MYT1: variants seen among roughly 807,000 people sequenced by gnomAD.
The protein encoded by MYT1 is myelin transcription factor 1.
In MYT1, 23 loss-of-function variants were observed where a neutral mutation model predicts 123.0. The ratio of observed to expected loss-of-function variants is 0.19; its 90% CI spans 0.13 to 0.26. The LOEUF (loss-of-function observed/expected upper bound fraction) is 0.26, where lower values mean the gene tolerates loss of function less well. Ranked by LOEUF, MYT1 falls within the 10% of genes least tolerant of loss-of-function variation. The probability of loss-of-function intolerance (pLI) is 1.00; values close to 1 mark genes in which losing one functional copy is unlikely to be tolerated. For synonymous variants in MYT1, 518 were observed against 575.3 expected (o/e 0.90, Z 1.43); for missense variants, 1,125 against 1,472.5 (o/e 0.76, Z 3.86).
intron 10 of MYT1, among the ~76,000 whole-genome samples, chr20:64,215,548 A>T (rs137961626): frequency 6.6e-6 from 1 of 152,208 alleles, no homozygotes; most frequent in Non-Finnish European, 1.5e-5. Flanking sequence ...TTGGTCAAGG[A>T]AGCCATCAAC....
Position 64,167,376 on chromosome 20 carries a change from C to T in MYT1, c.-99+2637C>T, listed in dbSNP as rs371069412. ...GCTTGTGTCCACCCAGTCCCTCTGT[C>T]GGGGCTCAGGGTGGGGATGAGACCG... is the stretch of plus-strand genomic sequence containing the variant. On this transcript the variant is annotated intron_variant, in intron 1 of 22. Coordinates refer to ENST00000328439, the MANE Select transcript of MYT1 (RefSeq NM_004535.3). This position sits in a 1 kb window ranked among gnomAD's most constrained non-coding sequence, Gnocchi z 6.3. Among the ~76,000 whole-genome samples the T allele has an allele frequency of 3.2e-3, 493 of 152,258 alleles. 5 individuals carry two copies. The highest frequency in any genetic ancestry group is 0.011 in the African/African-American group (474 of 41,526).
At position 64,166,588 on chromosome 20, in the gene MYT1, T is replaced by C. The variant is rs1437313701; in HGVS notation, c.-99+1849T>C. Among the ~76,000 whole-genome samples the C allele has an allele frequency of 1.3e-5, 2 of 152,142 alleles. No homozygotes were observed. The highest frequency in any genetic ancestry group is 4.8e-5 in the African/African-American group (2 of 41,428). On this transcript the variant is annotated intron_variant, in intron 1 of 22. Transcript: ENST00000328439. This position sits in a 1 kb window ranked among gnomAD's most constrained non-coding sequence, Gnocchi z 4.9. ...GGGCTGCTTCTGTCCAAAGTGCCAC[T>C]CGAGGGTTTTTGTGACCCTCAGCCA...
rs999434971 is a variant in MYT1, at chr20:64,208,971, C to T, written c.1291+484C>T. 1.3e-4 allele frequency among the ~76,000 whole-genome samples: 20 copies of T among 152,220 alleles called. No individual in the cohort carries two copies. Among genetic ancestry groups the T allele is most frequent in the Non-Finnish European group, 1.9e-4 (13 of 68,032 alleles). Reference sequence around the variant, plus strand: ...TTGCTCCTCAGAGGGAGCAGCCTGCCGCTGGCTCTGCATCTGTCTCTGGAT... The same window carrying T: ...TTGCTCCTCAGAGGGAGCAGCCTGCTGCTGGCTCTGCATCTGTCTCTGGAT... On this transcript the variant is annotated intron_variant, in intron 7 of 22. Coordinates refer to ENST00000328439, the MANE Select transcript of MYT1 (RefSeq NM_004535.3). The surrounding 1 kb of genome is among the most constrained non-coding windows in gnomAD (Gnocchi z 5.4).
intron 14 of MYT1, among the ~76,000 whole-genome samples, chr20:64,222,434 T>C (rs1400075427): frequency 6.6e-6 from 1 of 152,242 alleles, no homozygotes; most frequent in East Asian, 1.9e-4. Context: ...CTGGGCTCCA[T>C]GGCCAAGGCC....
chr20:64,214,641 G>T (rs1388152707), intron 10 of MYT1, among the ~76,000 whole-genome samples: 2 of 152,160 alleles, frequency 1.3e-5, no homozygotes, highest in African/African-American at 4.8e-5. Flanking sequence ...TTCACCTGCA[G>T]ACACCCTGCT....
chr20:64,225,120 G>C (rs1984130339), intron 16 of MYT1, among the ~76,000 whole-genome samples: 1 of 152,162 alleles, frequency 6.6e-6, no homozygotes, highest in African/African-American at 2.4e-5. Context: ...TCTCCCCCAG[G>C]GGCCTTTCCA....
intron 19 of MYT1, among the ~76,000 whole-genome samples, chr20:64,235,606 C>A (rs1214973959): frequency 7.2e-6 from 1 of 138,612 alleles, no homozygotes. Context: ...GGTGGGTGAC[C>A]CCGAGCTGGC....
chr20:64,200,731 G>A (rs1176520093), intron 4 of MYT1, among the ~76,000 whole-genome samples: 1 of 152,208 alleles, frequency 6.6e-6, no homozygotes, highest in African/African-American at 2.4e-5. Flanking sequence ...GTGAAGTGGG[G>A]AAACGGACTC....
chr20:64,172,741 CTTTTTTTTTT>C (rs33943131), intron 1 of MYT1, among the ~76,000 whole-genome samples: 2 of 95,558 alleles, frequency 2.1e-5, no homozygotes, highest in African/African-American at 8.5e-5. Context: ...GCCATACCCT[CTTTTTTTTTT>C]TTTTTTTTTT....
In MYT1 at chr20:64,241,849, CTG is replaced by C. The variant is rs965130458; in HGVS notation, c.*1402_*1403del. On this transcript the variant is annotated 3_prime_UTR_variant, in exon 23 of 23. Transcript: ENST00000328439. This position sits in a 1 kb window ranked among gnomAD's most constrained non-coding sequence, Gnocchi z 4.2. ...AATTTTTTTAAAAAGTATTTTGTAA[CTG>C]AGGAATTTTGATAATTTGGGGATTT... is the stretch of plus-strand genomic sequence containing the variant. 1 of 152,344 alleles carries C rather than the reference CTG, an allele frequency of 6.6e-6. No homozygotes were observed. Among genetic ancestry groups the C allele is most frequent in the African/African-American group, 2.4e-5 (1 of 41,374 alleles). The allele number at this position is 152,344 out of a possible 1,614,324, so 9.4% of individuals were successfully genotyped here.
At chr20:64,223,559 C>T (rs117064147) in intron 16 of MYT1, among the ~76,000 whole-genome samples, 200 bp downstream of exon 16, 2,198 of 152,150 alleles carry the variant, frequency 0.014, 35 homozygotes, top group Non-Finnish European at 0.016. Flanking sequence ...TGTGCACCTG[C>T]TCTGAGCTCT....
At chr20:64,173,490 C>T (rs868165905) in intron 1 of MYT1, among the ~76,000 whole-genome samples, 20 of 120,962 alleles carry the variant, frequency 1.7e-4, no homozygotes, top group South Asian at 1.3e-3. Context: ...GCATCCTTCC[C>T]TTTAGTTGTG....
chr20:64,228,222 C>T (rs1601722828), intron 18 of MYT1: 1 of 525,902 alleles, frequency 1.9e-6, no homozygotes. Context: ...CTTTTCAGGT[C>T]TGGAGTATTT....
At position 64,207,705 on chromosome 20, in the gene MYT1, A is replaced by G. The variant is rs767565712; in HGVS notation, c.509A>G (p.Asn170Ser). Reference sequence around the variant, plus strand: ...GGAATCATCGCAACTTCTCTCCTGAACTTGGGTCAAATTGCTGAAGAGACC... The same window carrying G: ...GGAATCATCGCAACTTCTCTCCTGAGCTTGGGTCAAATTGCTGAAGAGACC... ...YQGIIATSLLNLGQIAEETLV... is the reference protein window; with the variant it reads ...YQGIIATSLLSLGQIAEETLV... The change falls in exon 7 of 23, where the codon AAC becomes AGC. Residue 170 changes from asparagine to serine, a missense_variant. Asn to Ser is a conservative substitution (Grantham distance 46, BLOSUM62 1). Transcript: ENST00000328439. 9.3e-6 allele frequency: 15 copies of G among 1,613,908 alleles called. No individual in the cohort carries two copies. Among genetic ancestry groups the G allele is most frequent in the Non-Finnish European group, 1.2e-5 (14 of 1,180,004 alleles).
Position 64,186,910 on chromosome 20 carries a change from G to A in MYT1, c.-98-3153G>A, listed in dbSNP as rs1453763617. Among the ~76,000 whole-genome samples, 1 of 150,090 alleles carries A rather than the reference G, an allele frequency of 6.7e-6. No homozygotes were observed. Among genetic ancestry groups the A allele is most frequent in the Non-Finnish European group, 1.5e-5 (1 of 67,654 alleles). On this transcript the variant is annotated intron_variant, in intron 1 of 22. Coordinates refer to ENST00000328439, the MANE Select transcript of MYT1 (RefSeq NM_004535.3). The surrounding 1 kb of genome is among the most constrained non-coding windows in gnomAD (Gnocchi z 4.3). ...ACTTTTCCTGTAGCCCGTGGCCCCG[G>A]CATCCATGTTTCCGTGGAGAGTTTT...
intron 18 of MYT1, among the ~76,000 whole-genome samples, chr20:64,230,714 A>C (rs932129363): frequency 9.9e-5 from 15 of 152,174 alleles, no homozygotes; most frequent in Non-Finnish European, 2.1e-4. Flanking sequence ...AAGCTCCCAT[A>C]GGGGCCCCTG....
intron 6 of MYT1, among the ~76,000 whole-genome samples, chr20:64,207,045 A>C (rs1046102357): frequency 2.0e-5 from 3 of 152,126 alleles, no homozygotes; most frequent in African/African-American, 7.2e-5. Flanking sequence ...CACCACGCCC[A>C]GCTCATTTTT....
chr20:64,184,350 A>G lies in MYT1; in HGVS notation c.-98-5713A>G, dbSNP rs193130649. On this transcript the variant is annotated intron_variant, in intron 1 of 22. Coordinates refer to ENST00000328439, the MANE Select transcript of MYT1 (RefSeq NM_004535.3). ...GTCCAACTTCATTTTTTTTTTTGAT[A>G]TCTAGTTGTCCTGGCACGTTTGTTG... is the stretch of plus-strand genomic sequence containing the variant. 5.1e-3 allele frequency among the ~76,000 whole-genome samples: 766 copies of G among 151,112 alleles called. 3 individuals carry two copies. The highest frequency in any genetic ancestry group is 0.038 in the Middle Eastern group (11 of 292).
chr20:64,213,676 A>G lies in MYT1; in HGVS notation c.1631+29A>G. The G allele has an allele frequency of 1.3e-6, 2 of 1,589,134 alleles. No individual in the cohort carries two copies. Among genetic ancestry groups the G allele is most frequent in the Admixed American group, 1.7e-5 (1 of 59,868 alleles). ...AGTGAGATGAGCCACAGAACTGAAG[A>G]GGCTGCCTCCCAAATGCCTGCAGAG... On this transcript the variant is annotated intron_variant, in intron 10 of 22. Coordinates refer to ENST00000328439, the MANE Select transcript of MYT1 (RefSeq NM_004535.3). This position sits in a 1 kb window ranked among gnomAD's most constrained non-coding sequence, Gnocchi z 5.6.
Sources: allele counts gnomAD v4.1 joint callset (sites outside exome capture counted in the v4.1 genomes callset), GRCh38; gene constraint gnomAD v4.1.1; non-coding constraint Gnocchi (gnomAD v3.1); transcripts MANE v1.5; gene names NCBI Gene and HGNC (gene_info 2026-07-23, HGNC 2026-07-21).